The following TRMT11 variants were observed in gnomAD, a reference collection of about 807,000 sequenced individuals.
TRMT11 encodes tRNA methyltransferase 11.
In TRMT11, 53 loss-of-function variants were observed where a neutral mutation model predicts 62.8. The ratio of observed to expected loss-of-function variants is 0.84; its 90% CI spans 0.68 to 1.06. The LOEUF is 1.06. Ranked by LOEUF, TRMT11 falls within the 50% of genes least tolerant of loss-of-function variation. The pLI is 0.00. For synonymous variants in TRMT11, 188 were observed against 190.3 expected (o/e 0.99, Z 0.10); for missense variants, 556 against 553.4 (o/e 1.00, Z -0.05).
At chr6:126,214,745 T>A in the TRMT11 span, among the ~76,000 whole-genome samples, 6 of 151,974 alleles carry the variant, frequency 3.9e-5, 2 homozygotes, top group South Asian at 6.2e-4. Context: ...TTCACTCTGA[T>A]CTTTATTATT....
At chr6:126,032,795 A>G (rs1047364184) in intron 12 of TRMT11, among the ~76,000 whole-genome samples, 1 of 152,176 alleles carries the variant, frequency 6.6e-6, no homozygotes, top group Admixed American at 6.5e-5. Context: ...ATAAATATTT[A>G]TGGAAAGAAT....
intron 21 of TRMT11, among the ~76,000 whole-genome samples, chr6:126,165,203 G>T (rs972282132): frequency 6.6e-6 from 1 of 151,892 alleles, no homozygotes; most frequent in African/African-American, 2.4e-5. Flanking sequence ...ACTTGAACCT[G>T]GGAGACGGAG....
At chr6:126,237,443 G>C in the TRMT11 span, among the ~76,000 whole-genome samples, 5 of 152,158 alleles carry the variant, frequency 3.3e-5, no homozygotes, top group East Asian at 9.6e-4. Context: ...ACTTTGGGAG[G>C]CTGAGGTGGG....
intron 1 of TRMT11, 199 bp downstream of exon 1, chr6:125,986,821 C>T (rs918742264): frequency 1.8e-6 from 1 of 562,362 alleles, no homozygotes; most frequent in South Asian, 2.3e-5. Context: ...GACCAAACCC[C>T]TCGGCCTGCT....
the TRMT11 span, among the ~76,000 whole-genome samples, chr6:126,243,605 T>TA: frequency 6.6e-6 from 1 of 152,038 alleles, no homozygotes. Context: ...TATGCAGCCA[T>TA]AAAAAAAGAT....
chr6:126,151,970 C>CTTTCTTTCTTT (rs1562335037), intron 21 of TRMT11, among the ~76,000 whole-genome samples: 1 of 17,172 alleles, frequency 5.8e-5, no homozygotes, highest in Non-Finnish European at 1.2e-4. Flanking sequence ...TCTTTCTTTC[C>CTTTCTTTCTTT]TCTCTCTCTC....
rs951277495 is a variant in TRMT11 at position 126,053,047 on chromosome 6, G to A, written c.*1370-76G>A. The stretch of plus-strand genomic sequence containing the variant: ...CCTATGGCGGGGGATGTCACCTGAT[G>A]CATTGGAACCTAAGGCTAGACCTTG... On this transcript the variant is annotated intron_variant and NMD_transcript_variant, in intron 16 of 22. Transcript: ENST00000648977. 2.0e-5 allele frequency among the ~76,000 whole-genome samples: 3 copies of A among 152,102 alleles called. No individual in the cohort carries two copies. The East Asian group carries it at 5.8e-4, about 29-fold the overall frequency.
At position 126,015,326 on chromosome 6, in the gene TRMT11, C is replaced by T. The variant is rs557219307; in HGVS notation, c.1139+2225C>T. 1.5e-3 allele frequency among the ~76,000 whole-genome samples: 112 copies of T among 73,866 alleles called. No individual in the cohort carries two copies. The East Asian group carries it at 0.1, about 68-fold the overall frequency. The allele number at this position is 73,866 out of a possible 152,430, so 48.5% of individuals were successfully genotyped here. ...CTGCAAGCTCCGCCTTCCGGGTTCA[C>T]GCCATTTCTCCTGCCTCAGCCTCCC... On this transcript the variant is annotated intron_variant, in intron 11 of 12. Transcript: ENST00000334379.
At chr6:126,172,757 C>T (rs2128236935), upstream of TRMT11, among the ~76,000 whole-genome samples, 1 of 152,230 alleles carries the variant, frequency 6.6e-6, no homozygotes, top group Non-Finnish European at 1.5e-5. Flanking sequence ...TTAGAAGGGA[C>T]AGTGGAGCTG....
chr6:126,079,415 AAGAC>A (rs1441788926), intron 17 of TRMT11, among the ~76,000 whole-genome samples: 2 of 152,162 alleles, frequency 1.3e-5, no homozygotes, highest in Admixed American at 1.3e-4. Flanking sequence ...AGGGAATCTG[AAGAC>A]AGACAAATAG....
At chr6:126,227,709 G>A in the TRMT11 span, among the ~76,000 whole-genome samples, 1 of 151,900 alleles carries the variant, frequency 6.6e-6, no homozygotes, top group East Asian at 1.9e-4. Context: ...TTTTAGTTTC[G>A]CAGAGGTCTT....
intron 1 of TRMT11, among the ~76,000 whole-genome samples, chr6:125,990,236 GA>G (rs1211713265): frequency 1.3e-5 from 2 of 151,990 alleles, no homozygotes; most frequent in African/African-American, 4.8e-5. Flanking sequence ...AAATTTATTT[GA>G]AAAAATAATT....
chr6:126,045,115 G>C (rs1776010580), intron 16 of TRMT11, among the ~76,000 whole-genome samples: 1 of 151,772 alleles, frequency 6.6e-6, no homozygotes, highest in Non-Finnish European at 1.5e-5. Context: ...TTGAACCTGG[G>C]AGGTGGAGAT....
Position 126,013,114 on chromosome 6 carries a change from A to T in TRMT11, c.1139+13A>T. ...TGTATACGCCAGAGTATGTAATCTTAATTTTATTTTTAATTTCATTTTTCT... is the reference window on the plus strand; with the variant it reads ...TGTATACGCCAGAGTATGTAATCTTTATTTTATTTTTAATTTCATTTTTCT... On this transcript the variant is annotated intron_variant, in intron 11 of 12. Coordinates refer to ENST00000334379, the MANE Select transcript of TRMT11 (RefSeq NM_001031712.3). 1 of 1,586,096 alleles carries T rather than the reference A, an allele frequency of 6.3e-7. No individual in the cohort carries two copies. Among genetic ancestry groups the T allele is most frequent in the Non-Finnish European group, 8.5e-7 (1 of 1,170,566 alleles).
intron 12 of TRMT11, among the ~76,000 whole-genome samples, chr6:126,031,265 A>G (rs2128043157): frequency 6.6e-6 from 1 of 152,276 alleles, no homozygotes; most frequent in South Asian, 2.1e-4. Flanking sequence ...ACATTCATAT[A>G]CTTTTCCTAT....
At chr6:126,239,784 A>G in the TRMT11 span, among the ~76,000 whole-genome samples, 3 of 152,336 alleles carry the variant, frequency 2.0e-5, no homozygotes, top group South Asian at 4.1e-4. Flanking sequence ...GTTCTCCTGG[A>G]TAGTATCCTT....
At chr6:126,168,713 T>G (rs914004803) in intron 21 of TRMT11, among the ~76,000 whole-genome samples, 1 of 152,130 alleles carries the variant, frequency 6.6e-6, no homozygotes, top group Non-Finnish European at 1.5e-5. Context: ...GAGAAGGAGT[T>G]TCACCCTGTT....
intron 17 of TRMT11, among the ~76,000 whole-genome samples, chr6:126,089,242 T>G (rs1777247023): frequency 6.6e-6 from 1 of 151,696 alleles, no homozygotes; most frequent in Non-Finnish European, 1.5e-5. Flanking sequence ...GCCTCCTGAG[T>G]AGCTGGGATT....
intron 1 of TRMT11, among the ~76,000 whole-genome samples, chr6:126,187,294 C>T (rs1778538089): frequency 6.6e-6 from 1 of 151,812 alleles, no homozygotes; most frequent in Admixed American, 6.6e-5. Flanking sequence ...ATAAAATAGT[C>T]AATTGAATTG....
Sources: allele counts gnomAD v4.1 joint callset (sites outside exome capture counted in the v4.1 genomes callset), GRCh38; gene constraint gnomAD v4.1.1; transcripts MANE v1.5; gene names NCBI Gene and HGNC (gene_info 2026-07-23, HGNC 2026-07-21).